PCCB: variants seen among roughly 807,000 people sequenced by gnomAD.
PCCB encodes propionyl-CoA carboxylase beta chain, mitochondrial.
PCCB carries 43 observed loss-of-function variants against 60.7 expected under a neutral mutation model. The ratio of observed to expected loss-of-function variants is 0.71; its 90% CI spans 0.55 to 0.91. PCCB has a LOEUF of 0.91. PCCB is among the 40% of genes least tolerant of loss of function. PCCB has a pLI of 0.00. For missense variants in PCCB, 766 were observed against 702.8 expected, an observed-to-expected ratio of 1.09 and a Z score of -1.02; for synonymous variants, 276 against 255.9, an observed-to-expected ratio of 1.08 and a Z score of -0.75.
rs781503011 is a variant in PCCB at position 136,317,051 on chromosome 3, T to C, written c.1077T>C (p.Pro359=). 3 of 1,613,900 alleles carry C rather than the reference T, an allele frequency of 1.9e-6. No individual in the cohort carries two copies. In the Admixed American group the frequency reaches 5.0e-5, roughly 27 times the overall value. Residue 359 remains proline (P), a synonymous_variant, in exon 10 of 15, where the codon CCT becomes CCC. Transcript: ENST00000251654. ...GRTVGIVGNQ[P]KVASGCLDIN... is the part of the protein sequence containing the mutation. ...CTGTTGGAATTGTTGGCAACCAACC[T>C]AAGGTGGCCTCAGGTAGGATGGAGC...
chr3:136,268,084 G>GTAGATATAGATA (rs869183040), intron 5 of PCCB, among the ~76,000 whole-genome samples: 2 of 60,944 alleles, frequency 3.3e-5, no homozygotes, highest in Admixed American at 1.7e-4. Context: ...GTGTGTGTGT[G>GTAGATATAGATA]TAGATATATA....
At chr3:136,251,467 G>T (rs957401094) in intron 1 of PCCB, among the ~76,000 whole-genome samples, 9 of 152,170 alleles carry the variant, frequency 5.9e-5, no homozygotes, top group African/African-American at 2.2e-4. Context: ...GAGGGATGGG[G>T]TCTTAAAGTG....
intron 10 of PCCB, among the ~76,000 whole-genome samples, chr3:136,325,389 G>T (rs979158657): frequency 7.0e-6 from 1 of 142,700 alleles, no homozygotes; most frequent in Non-Finnish European, 1.6e-5. Context: ...TTGAGATGGA[G>T]TCTCACTCTG....
intron 5 of PCCB, among the ~76,000 whole-genome samples, chr3:136,263,886 C>A (rs1941897001): frequency 6.6e-6 from 1 of 152,006 alleles, no homozygotes; most frequent in Non-Finnish European, 1.5e-5. Context: ...GTGGCACATG[C>A]CTGTAATCCC....
At chr3:136,311,510 AT>A (rs111383733) in intron 9 of PCCB, among the ~76,000 whole-genome samples, 49 of 146,236 alleles carry the variant, frequency 3.4e-4, no homozygotes, top group Non-Finnish European at 3.0e-4. Flanking sequence ...CTGATTTAAT[AT>A]TTTTTTTTTT....
intron 9 of PCCB, among the ~76,000 whole-genome samples, chr3:136,305,117 CAG>C (rs1455380957): frequency 8.3e-6 from 1 of 120,210 alleles, no homozygotes; most frequent in Non-Finnish European, 1.9e-5. Flanking sequence ...TTCTTTGAGA[CAG>C]AGTCTAACTC....
chr3:136,263,709 T>G (rs1442695187), intron 5 of PCCB, among the ~76,000 whole-genome samples: 2 of 152,118 alleles, frequency 1.3e-5, no homozygotes, highest in Non-Finnish European at 2.9e-5. Context: ...ACTTTTTATT[T>G]TGATAAAATT....
Position 136,250,408 on chromosome 3 carries a change from G to A in PCCB, c.33G>A (p.Gly11=). 6.4e-7 allele frequency: 1 copy of A among 1,572,772 alleles called. No individual in the cohort carries two copies. The change falls in exon 1 of 15, where the codon GGG becomes GGA. Residue 11 remains glycine, a synonymous_variant. Coordinates refer to ENST00000251654, the MANE Select transcript of PCCB (RefSeq NM_000532.5). MAAALRVAAV[G]ARLSVLASGL... ...CGGCATTACGGGTGGCGGCGGTCGG[G>A]GCAAGGCTCAGCGTTCTGGCGAGCG...
At position 136,307,977 on chromosome 3, in the gene PCCB, A is replaced by AAATAATAATAAT. The variant is rs142093462; in HGVS notation, c.966+6880_966+6891dup. Among the ~76,000 whole-genome samples the AAATAATAATAAT allele has an allele frequency of 2.1e-4, 32 of 150,346 alleles. 1 individual carries two copies. The highest frequency in any genetic ancestry group is 1.6e-3 in the East Asian group (8 of 5,148). ...GCAACAAGAGTGAAACTCCATCTCAAAATAATAATAATAATAATAATAATA... is the reference window on the plus strand; with the variant it reads ...GCAACAAGAGTGAAACTCCATCTCAAAATAATAATAATAATAATAATAATAATAATAATAATA... On this transcript the variant is annotated intron_variant, in intron 9 of 14. Coordinates refer to ENST00000251654, the MANE Select transcript of PCCB (RefSeq NM_000532.5).
At chr3:136,286,742 T>C (rs570425271) in intron 6 of PCCB, among the ~76,000 whole-genome samples, 1 of 152,256 alleles carries the variant, frequency 6.6e-6, no homozygotes, top group South Asian at 2.1e-4. Flanking sequence ...TCCTGACTGG[T>C]CTCCCTGCTT....
rs1941494325 is a variant in PCCB at position 136,250,820 on chromosome 3, CA to C, written c.183+263del. Among the ~76,000 whole-genome samples, 4 of 152,244 alleles carry C rather than the reference CA, an allele frequency of 2.6e-5. No homozygotes were observed. In the South Asian group the frequency reaches 8.3e-4, roughly 31 times the overall value. On this transcript the variant is annotated intron_variant, in intron 1 of 14. Coordinates refer to ENST00000251654, the MANE Select transcript of PCCB (RefSeq NM_000532.5). ...CGTCTCTAGCCAGCTCAACACTTAA[CA>C]TAAGCTTTTGGGCAACTTATTAAAT...
intron 10 of PCCB, among the ~76,000 whole-genome samples, chr3:136,319,694 G>C (rs1935041743): frequency 6.6e-6 from 1 of 152,066 alleles, no homozygotes; most frequent in South Asian, 2.1e-4. Flanking sequence ...CACTGCACCT[G>C]GCTGAAAAGT....
intron 8 of PCCB, among the ~76,000 whole-genome samples, chr3:136,298,996 CTG>C (rs956982089): frequency 5.9e-5 from 9 of 152,254 alleles, no homozygotes; most frequent in Admixed American, 3.3e-4. Flanking sequence ...CAGTGGCCCA[CTG>C]TGTGTAGTCA....
rs1215705998 is a variant in PCCB at position 136,250,415 on chromosome 3, C to T, written c.40C>T (p.Leu14Phe). Residue 14 changes from leucine to phenylalanine, a missense_variant, in exon 1 of 15, where the codon CTC becomes TTC. Transcript: ENST00000251654. ...ACGGGTGGCGGCGGTCGGGGCAAGG[C>T]TCAGCGTTCTGGCGAGCGGTCTCCG... ...ALRVAAVGAR[L>F]SVLASGLRAA... 23 of 1,581,956 alleles carry T rather than the reference C, an allele frequency of 1.5e-5. No homozygotes were observed. Among genetic ancestry groups the T allele is most frequent in the Admixed American group, 3.6e-5 (2 of 55,746 alleles).
At chr3:136,299,611 C>T (rs1420727204) in intron 8 of PCCB, among the ~76,000 whole-genome samples, 2 of 67,154 alleles carry the variant, frequency 3.0e-5, no homozygotes, top group African/African-American at 8.0e-5. Flanking sequence ...TATGTATATG[C>T]ATGTGTATGT....
Position 136,256,575 on chromosome 3 carries a change from C to T in PCCB, c.324C>T (p.Val108=). 6.2e-7 allele frequency: 1 copy of T among 1,612,968 alleles called. No homozygotes were observed. Residue 108 remains valine (V), a synonymous_variant, in exon 3 of 15, where the codon GTC becomes GTT. Coordinates refer to ENST00000251654, the MANE Select transcript of PCCB (RefSeq NM_000532.5). The part of the protein sequence containing the change: ...DKNKFPGDSV[V]TGRGRINGRL... Reference sequence around the variant, plus strand: ...GGTAGTTTCCTGGAGACAGCGTGGTCACTGGACGAGGCCGAATCAATGGAA... The same window carrying T: ...GGTAGTTTCCTGGAGACAGCGTGGTTACTGGACGAGGCCGAATCAATGGAA...
chr3:136,322,998 G>GTTTTTTTTTTTTTTTTTTTTTTTTTTTT (rs35582341), intron 10 of PCCB, among the ~76,000 whole-genome samples: 1 of 121,326 alleles, frequency 8.2e-6, no homozygotes. Context: ...TAAATGATGA[G>GTTTTTTTTTTTTTTTTTTTTTTTTTTTT]TTTTTTTTTT....
At chr3:136,268,569 T>G (rs1030071442) in intron 5 of PCCB, among the ~76,000 whole-genome samples, 18 of 151,712 alleles carry the variant, frequency 1.2e-4, no homozygotes, top group African/African-American at 4.4e-4. Flanking sequence ...GTTCAAGCGA[T>G]TCTCCTGCCT....
intron 10 of PCCB, among the ~76,000 whole-genome samples, chr3:136,319,599 T>G (rs1386687087): frequency 6.6e-6 from 1 of 152,178 alleles, no homozygotes; most frequent in African/African-American, 2.4e-5. Flanking sequence ...GGTTTCGCCA[T>G]GTTGGCCAGG....
Sources: gnomAD v4.1 joint callset for allele counts (sites outside exome capture counted in the v4.1 genomes callset) on GRCh38, gnomAD v4.1.1 for gene constraint, MANE v1.5 for transcripts, NCBI Gene and HGNC (gene_info 2026-07-23, HGNC 2026-07-21) for gene names.